Variants in WDR54 observed in about 807,000 individuals in gnomAD.
WDR54 encodes WD repeat domain 54, also known as WD repeat-containing protein 54.
WDR54 carries 44 observed loss-of-function variants against 44.1 expected under a neutral mutation model. That is an observed-to-expected ratio of 1.00 (90% CI 0.78 to 1.28). WDR54 has a LOEUF of 1.28. WDR54 is among the 50% of genes most tolerant of loss of function. The pLI is 0.00. For missense variants in WDR54, 409 were observed against 429.7 expected (o/e 0.95, Z 0.43); for synonymous variants, 169 against 169.8 (o/e 1.00, Z 0.04).
intron 5 of WDR54, 59 bp from the exon 6 acceptor site, chr2:74,423,796 G>A (rs1443435434): frequency 7.5e-6 from 12 of 1,597,154 alleles, no homozygotes; most frequent in Non-Finnish European, 9.4e-6. Context: ...GTTGAGTATG[G>A]TGGCTGGAGA....
intron 1 of WDR54, 130 bp downstream of exon 1, chr2:74,421,946 C>G (rs1472659931): frequency 1.6e-6 from 1 of 620,186 alleles, no homozygotes; most frequent in Non-Finnish European, 2.9e-6. Flanking sequence ...CCCCATTCCT[C>G]CTCTGCGATT....
intron 1 of WDR54, 115 bp downstream of exon 1, chr2:74,421,931 G>C (rs1164617253): frequency 1.6e-6 from 1 of 619,718 alleles, no homozygotes; most frequent in Non-Finnish European, 2.9e-6. Flanking sequence ...GTGGTCCTGT[G>C]TCATCCCCAT....
At chr2:74,424,413 AT>A (rs1195359977) in intron 6 of WDR54, among the ~76,000 whole-genome samples, 1 of 152,058 alleles carries the variant, frequency 6.6e-6, no homozygotes, top group Non-Finnish European at 1.5e-5. Context: ...TCCCCAAGTA[AT>A]TTGCAAACCT....
intron 2 of WDR54, 134 bp downstream of exon 2, chr2:74,422,509 C>G: frequency 1.8e-6 from 2 of 1,135,854 alleles, no homozygotes; most frequent in Non-Finnish European, 1.2e-6. Flanking sequence ...AATCTCCCCT[C>G]TCCTGCCGGG....
Position 74,425,687 on chromosome 2 carries a change from T to C in WDR54, c.991T>C (p.Phe331Leu). Residue 331 changes from phenylalanine (F) to leucine (L), a missense_variant, in exon 10 of 10, where the codon TTC (phenylalanine) becomes CTC (leucine). Phe to Leu is a conservative substitution (Grantham distance 22). Coordinates refer to ENST00000348227, the MANE Select transcript of WDR54 (RefSeq NM_032118.4). ...CTATGACCTTGCGGAGATCCGGAGA[T>C]TCAGCAGTGTGTGAGAAGAGCAGCC... ...TGYDLAEIRR[F>L]SSV 1 of 1,614,216 alleles carries C rather than the reference T, an allele frequency of 6.2e-7. No homozygotes were observed. Among genetic ancestry groups the C allele is most frequent in the South Asian group, 1.1e-5 (1 of 91,088 alleles).
At position 74,425,622 on chromosome 2, in the gene WDR54, G is replaced by C. The variant is rs200410842; in HGVS notation, c.926G>C (p.Arg309Pro). Reference sequence around the variant, plus strand: ...GCCGACACCCAGCTGTGTGGTGCTCGATTTTGTGATTCCTCAGGCAACTCC... The same window carrying C: ...GCCGACACCCAGCTGTGTGGTGCTCCATTTTGTGATTCCTCAGGCAACTCC... ...CVADTQLCGARFCDSSGNSFA... is the reference protein window; with the variant it reads ...CVADTQLCGAPFCDSSGNSFA... Residue 309 changes from arginine to proline, a missense_variant, in exon 10 of 10, where the codon CGA (arginine) becomes CCA (proline). Coordinates refer to ENST00000348227, the MANE Select transcript of WDR54 (RefSeq NM_032118.4). The C allele has an allele frequency of 3.1e-6, 5 of 1,614,086 alleles. No individual in the cohort carries two copies. Among genetic ancestry groups the C allele is most frequent in the Admixed American group, 3.3e-5 (2 of 60,012 alleles).
chr2:74,423,765 G>A (rs1307987404), intron 5 of WDR54, 90 bp from the exon 6 acceptor site: 17 of 1,565,754 alleles, frequency 1.1e-5, no homozygotes, highest in Non-Finnish European at 1.5e-5. Flanking sequence ...TTGTTACTAA[G>A]GTTTCTGGGA....
In WDR54 at chr2:74,425,712, C is replaced by G. The variant is rs1270395333; in HGVS notation, c.*11C>G. 2 of 1,614,102 alleles carry G rather than the reference C, an allele frequency of 1.2e-6. No homozygotes were observed. Among genetic ancestry groups the G allele is most frequent in the Non-Finnish European group, 1.7e-6 (2 of 1,180,016 alleles). ...TTCAGCAGTGTGTGAGAAGAGCAGC[C>G]TTCCTTTGTCCCTGTGGTATTCATA... On this transcript the variant is annotated 3_prime_UTR_variant, in exon 10 of 10. Coordinates refer to ENST00000348227, the MANE Select transcript of WDR54 (RefSeq NM_032118.4).
At chr2:74,422,485 T>C in intron 2 of WDR54, 110 bp downstream of exon 2, 1 of 1,271,244 alleles carries the variant, frequency 7.9e-7, no homozygotes, top group Non-Finnish European at 1.1e-6. Flanking sequence ...TCCCCAGGCA[T>C]GTCCTAACCT....
At chr2:74,421,998 C>T (rs1452318905) in intron 1 of WDR54, 155 bp from the exon 2 acceptor site, 6 of 736,098 alleles carry the variant, frequency 8.2e-6, no homozygotes, top group Non-Finnish European at 1.4e-5. Context: ...CCCTGTCTTG[C>T]TCCTCGAGAC....
rs1399385711 is a variant in WDR54 at position 74,422,897 on chromosome 2, G to A, written c.250G>A (p.Val84Met). 3 of 1,613,690 alleles carry A rather than the reference G, an allele frequency of 1.9e-6. No homozygotes were observed. Among genetic ancestry groups the A allele is most frequent in the Admixed American group, 3.3e-5 (2 of 59,990 alleles). Reference sequence around the variant, plus strand: ...CCACTGGTGTGTCCTCCCCTTCCGAGTGCTGCTGGTACTCACCTCACATCG... The same window carrying A: ...CCACTGGTGTGTCCTCCCCTTCCGAATGCTGCTGGTACTCACCTCACATCG... ...QVHWCVLPFR[V>M]LLVLTSHRGI... The change falls in exon 3 of 10, where the codon GTG becomes ATG. Residue 84 changes from valine (V) to methionine (M), a missense_variant. By Grantham distance (21) the Val-to-Met change is conservative (BLOSUM62 1). Transcript: ENST00000348227.
At chr2:74,423,156 T>C in intron 3 of WDR54, 163 bp from the exon 4 acceptor site, 1 of 931,908 alleles carries the variant, frequency 1.1e-6, no homozygotes, top group Non-Finnish European at 1.7e-6. Flanking sequence ...CACTATTAAC[T>C]TCTCACTCTC....
At position 74,423,473 on chromosome 2, in the gene WDR54, T is replaced by C; in HGVS notation, c.353-5T>C. ...TTTCTGATCATTCTCCCCTTTCATA[T>C]TCAGTACAGGCTGTGTTTGCCCGGG... On this transcript the variant is annotated splice_region_variant and splice_polypyrimidine_tract_variant and intron_variant, in intron 4 of 9. Coordinates refer to ENST00000348227, the MANE Select transcript of WDR54 (RefSeq NM_032118.4). The C allele has an allele frequency of 6.2e-7, 1 of 1,614,052 alleles. No individual in the cohort carries two copies. Among genetic ancestry groups the C allele is most frequent in the Non-Finnish European group, 8.5e-7 (1 of 1,179,936 alleles).
At chr2:74,421,913 GC>G (rs1676636886) in intron 1 of WDR54, 97 bp downstream of exon 1, 8 of 615,818 alleles carry the variant, frequency 1.3e-5, no homozygotes, top group Middle Eastern at 5.1e-4. Flanking sequence ...CGGGCTTGGG[GC>G]CATCGGGTGG....
intron 1 of WDR54, 48 bp downstream of exon 1, chr2:74,421,864 G>T (rs1166070309): frequency 1.6e-6 from 1 of 636,168 alleles, no homozygotes; most frequent in Non-Finnish European, 2.9e-6. Context: ...CGAGCCGAGG[G>T]AGAAAGCCTT....
chr2:74,424,873 A>G lies in WDR54; in HGVS notation c.535-2A>G, dbSNP rs1333543592. On this transcript the variant is annotated splice_acceptor_variant, in intron 6 of 9. Coordinates refer to ENST00000348227, the MANE Select transcript of WDR54 (RefSeq NM_032118.4). LOFTEE classifies it high-confidence loss of function. ...AAGGGTTGATCTTGCCTTTCCCTTC[A>G]GGATTGTGTGGCTGACATGGTGACG... The G allele has an allele frequency of 1.2e-6, 2 of 1,614,136 alleles. No individual in the cohort carries two copies. The highest frequency in any genetic ancestry group is 1.7e-6 in the Non-Finnish European group (2 of 1,180,014).
rs374027089 is a variant in WDR54 at position 74,424,898 on chromosome 2, G to C, written c.558G>C (p.Thr186=). The change falls in exon 7 of 10, where the codon ACG becomes ACC. Residue 186 remains threonine (T), a synonymous_variant. Coordinates refer to ENST00000348227, the MANE Select transcript of WDR54 (RefSeq NM_032118.4). ...AGGATTGTGTGGCTGACATGGTGAC[G>C]GCAGATGACTCAGGCTTGCTGTGTG... ...QGQDCVADMV[T]ADDSGLLCVW... 6.2e-7 allele frequency: 1 copy of C among 1,614,062 alleles called. No homozygotes were observed. Among genetic ancestry groups the C allele is most frequent in the African/African-American group, 1.3e-5 (1 of 74,922 alleles).
Position 74,422,859 on chromosome 2 carries a change from C to T in WDR54, c.223-11C>T. ...TTGATTTTCTCCCTACACTGATGCA[C>T]CTCCCTCCAGGTCCACTGGTGTGTC... On this transcript the variant is annotated splice_polypyrimidine_tract_variant and intron_variant, in intron 2 of 9. Coordinates refer to ENST00000348227, the MANE Select transcript of WDR54 (RefSeq NM_032118.4). The T allele has an allele frequency of 2.5e-6, 4 of 1,613,350 alleles. No homozygotes were observed. The highest frequency in any genetic ancestry group is 3.4e-6 in the Non-Finnish European group (4 of 1,179,436).
At position 74,423,827 on chromosome 2, in the gene WDR54, A is replaced by G. The variant is rs1670230456; in HGVS notation, c.407-28A>G. On this transcript the variant is annotated intron_variant, in intron 5 of 9. Transcript: ENST00000348227. ...GGAGACCCAGGAGGGTCAGGAAGTC[A>G]TCACTGGAGTACTGGTTCTGGATAC... is the stretch of plus-strand genomic sequence containing the variant. The G allele has an allele frequency of 1.2e-5, 19 of 1,611,062 alleles. No homozygotes were observed. The East Asian group carries it at 4.0e-4, about 34-fold the overall frequency.
Sources: allele counts gnomAD v4.1 joint callset (sites outside exome capture counted in the v4.1 genomes callset), GRCh38; gene constraint gnomAD v4.1.1; transcripts MANE v1.5; gene names NCBI Gene and HGNC (gene_info 2026-07-23, HGNC 2026-07-21).